Variants in DCHS2 observed in about 807,000 individuals in gnomAD.
The protein encoded by DCHS2 is dachsous cadherin-related 2.
A neutral mutation model predicts 182.4 loss-of-function variants in DCHS2; 142 were observed. That is an observed-to-expected ratio of 0.78 (90% CI 0.68 to 0.89). DCHS2 has a LOEUF of 0.89. DCHS2 is among the 40% of genes least tolerant of loss of function. The probability of loss-of-function intolerance (pLI) is 0.00; values close to 1 mark genes in which losing one functional copy is unlikely to be tolerated. For synonymous variants in DCHS2, 1,740 were observed against 1,663.3 expected, an observed-to-expected ratio of 1.05 and a Z score of -1.12; for missense variants, 4,319 against 4,198.6, an observed-to-expected ratio of 1.03 and a Z score of -0.79.
At chr4:154,352,983 A>G (rs577473636) in intron 3 of DCHS2, among the ~76,000 whole-genome samples, 1 of 152,306 alleles carries the variant, frequency 6.6e-6, no homozygotes, top group East Asian at 1.9e-4. Context: ...AACTAGAAAT[A>G]AGCTTCTGTA....
At chr4:154,410,198 A>G (rs73854741) in intron 1 of DCHS2, among the ~76,000 whole-genome samples, 34,942 of 151,890 alleles carry the variant, frequency 0.23, 4,341 homozygotes, top group African/African-American at 0.33. Context: ...TGCCTGAAAA[A>G]AAATTTAAAA....
At chr4:154,371,805 C>A (rs2110788430) in intron 2 of DCHS2, among the ~76,000 whole-genome samples, 1 of 152,150 alleles carries the variant, frequency 6.6e-6, no homozygotes, top group East Asian at 1.9e-4. Flanking sequence ...TTTTAAATAA[C>A]CAGATCTCAT....
At chr4:154,486,059 G>A (rs531072233) in intron 1 of DCHS2, among the ~76,000 whole-genome samples, 1 of 152,192 alleles carries the variant, frequency 6.6e-6, no homozygotes, top group African/African-American at 2.4e-5. Context: ...ACTCCTGAGG[G>A]GTGGATTGTT....
At chr4:154,452,658 A>AC (rs1734586436) in intron 1 of DCHS2, among the ~76,000 whole-genome samples, 1 of 151,994 alleles carries the variant, frequency 6.6e-6, no homozygotes, top group Admixed American at 6.6e-5. Flanking sequence ...ACAAAAAAAA[A>AC]CTGTTAAAGG....
chr4:154,314,034 A>C (rs901974474), intron 10 of DCHS2, among the ~76,000 whole-genome samples: 1 of 152,184 alleles, frequency 6.6e-6, no homozygotes, highest in Non-Finnish European at 1.5e-5. Flanking sequence ...AATATATGCA[A>C]ATTTTGAGAG....
intron 9 of DCHS2, among the ~76,000 whole-genome samples, chr4:154,318,176 C>A (rs1371172090): frequency 6.6e-6 from 1 of 151,574 alleles, no homozygotes; most frequent in Non-Finnish European, 1.5e-5. Context: ...AGTTAGTTCT[C>A]CAAATACAAA....
At chr4:154,397,869 A>G (rs1731998538) in intron 1 of DCHS2, among the ~76,000 whole-genome samples, 1 of 152,304 alleles carries the variant, frequency 6.6e-6, no homozygotes, top group East Asian at 1.9e-4. Context: ...ATTCCCCCAA[A>G]AATGAATAAT....
intron 1 of DCHS2, among the ~76,000 whole-genome samples, chr4:154,449,458 C>T (rs1032140012): frequency 2.0e-5 from 3 of 151,998 alleles, no homozygotes; most frequent in African/African-American, 7.2e-5. Context: ...GCAATCTCCA[C>T]TTCCCAGGCT....
At chr4:154,467,477 AC>A (rs1450917086) in intron 1 of DCHS2, among the ~76,000 whole-genome samples, 1 of 152,184 alleles carries the variant, frequency 6.6e-6, no homozygotes, top group East Asian at 1.9e-4. Flanking sequence ...AATAATTTAA[AC>A]ATGGAAGCCT....
At chr4:154,382,261 C>T (rs1336153206) in intron 1 of DCHS2, among the ~76,000 whole-genome samples, 1 of 152,038 alleles carries the variant, frequency 6.6e-6, no homozygotes. Context: ...CCACCTTTCA[C>T]CATATACAAA....
intron 1 of DCHS2, among the ~76,000 whole-genome samples, chr4:154,423,519 T>C (rs1733196489): frequency 6.6e-6 from 1 of 152,204 alleles, no homozygotes; most frequent in Admixed American, 6.5e-5. Flanking sequence ...TGATCAAAAA[T>C]GATTTGTTGA....
chr4:154,408,260 T>C (rs965653444), intron 1 of DCHS2, among the ~76,000 whole-genome samples: 4 of 152,212 alleles, frequency 2.6e-5, no homozygotes, highest in Admixed American at 1.3e-4. Context: ...AATCATATTA[T>C]CTCATTTGTC....
chr4:154,313,393 C>T (rs2035762), intron 10 of DCHS2, among the ~76,000 whole-genome samples: 136,776 of 152,158 alleles, frequency 0.9, 62,530 homozygotes, highest in Non-Finnish European at 0.98. Flanking sequence ...TCCCTGTGGG[C>T]TTTGAATGCC....
intron 1 of DCHS2, among the ~76,000 whole-genome samples, chr4:154,463,060 T>C (rs929328673): frequency 1.3e-5 from 2 of 151,910 alleles, no homozygotes; most frequent in Non-Finnish European, 2.9e-5. Context: ...CTCTGTATCC[T>C]TCTAAACATT....
In DCHS2 at chr4:154,235,078, C is replaced by G. The variant is rs201121579; in HGVS notation, c.9574G>C (p.Ala3192Pro). ...VLPQTVQKREAKESILADVRK... is the reference protein window; with the variant it reads ...VLPQTVQKREPKESILADVRK... ...ACGTCAGCCAGGATGCTCTCTTTTG[C>G]CTCTCTCTTCTGAACTGTCTGGGGT... The change falls in exon 20 of 20, where the codon GCA (alanine) becomes CCA (proline). Residue 3192 changes from alanine to proline, a missense_variant. Physicochemically the swap from Ala to Pro is conservative, Grantham distance 27. Coordinates refer to ENST00000357232, the MANE Select transcript of DCHS2 (RefSeq NM_001358235.2). 2 of 1,613,946 alleles carry G rather than the reference C, an allele frequency of 1.2e-6. No individual in the cohort carries two copies. The highest frequency in any genetic ancestry group is 1.7e-6 in the Non-Finnish European group (2 of 1,179,954).
intron 5 of DCHS2, chr4:154,331,481 G>C: frequency 7.6e-7 from 1 of 1,311,258 alleles, no homozygotes; most frequent in Non-Finnish European, 1.0e-6. Context: ...CTTGCAGCAG[G>C]AGTCTCAGTT....
chr4:154,489,856 C>G lies in DCHS2; in HGVS notation c.1500G>C (p.Glu500Asp). 2 of 1,548,308 alleles carry G rather than the reference C, an allele frequency of 1.3e-6. No individual in the cohort carries two copies. Among genetic ancestry groups the G allele is most frequent in the Non-Finnish European group, 1.7e-6 (2 of 1,144,588 alleles). ...FLCVEGPLDR[E>D]SRDLYELLLV... is the part of the protein sequence containing the mutation. ...GTAGTAACTCATACAGATCGCGGCT[C>G]TCTCTGTCCAGGGGCCCCTCCACGC... is the stretch of plus-strand genomic sequence containing the variant. The change falls in exon 1 of 20, where the codon GAG becomes GAC. Residue 500 changes from glutamate to aspartate, a missense_variant. Coordinates refer to ENST00000357232, the MANE Select transcript of DCHS2 (RefSeq NM_001358235.2).
At chr4:154,469,603 C>T (rs1735376383) in intron 1 of DCHS2, among the ~76,000 whole-genome samples, 1 of 152,170 alleles carries the variant, frequency 6.6e-6, no homozygotes, top group Non-Finnish European at 1.5e-5. Flanking sequence ...CCAAATCTCT[C>T]ATCACAGTCT....
rs182317237 is a variant in DCHS2, at chr4:154,366,244, G to C, written c.2442C>G (p.Asn814Lys). ...GTVAYELIPGNVSSLFTIDST... is the reference protein window; with the variant it reads ...GTVAYELIPGKVSSLFTIDST... ...AGTCAATGGTAAAAAGGGACGACAC[G>C]TTTCCTGGAATAAGCTCATAAGCCA... Residue 814 changes from asparagine (N) to lysine (K), a missense_variant, in exon 3 of 20, where the codon AAC becomes AAG. Physicochemically the swap from Asn to Lys is moderately conservative, Grantham distance 94. Transcript: ENST00000357232. 1 of 1,613,636 alleles carries C rather than the reference G, an allele frequency of 6.2e-7. No homozygotes were observed. The highest frequency in any genetic ancestry group is 1.3e-5 in the African/African-American group (1 of 74,950).
Sources: allele counts gnomAD v4.1 joint callset (sites outside exome capture counted in the v4.1 genomes callset), GRCh38; gene constraint gnomAD v4.1.1; transcripts MANE v1.5; gene names NCBI Gene and HGNC (gene_info 2026-07-23, HGNC 2026-07-21).